The following A1CF variants were observed in gnomAD, a reference collection of about 807,000 sequenced individuals.
The protein encoded by A1CF is APOBEC-1 stimulating protein.
A1CF carries 48 observed loss-of-function variants against 68.9 expected under a neutral mutation model. The observed-to-expected ratio is 0.70, with a 90% CI of 0.55 to 0.89. The LOEUF (loss-of-function observed/expected upper bound fraction) is 0.89. Ranked by LOEUF, A1CF falls within the 40% of genes least tolerant of loss-of-function variation. The probability of loss-of-function intolerance (pLI) is 0.00; values close to 1 mark genes in which losing one functional copy is unlikely to be tolerated. For synonymous variants in A1CF, 272 were observed against 260.4 expected (o/e 1.04, Z -0.43); for missense variants, 653 against 718.9 (o/e 0.91, Z 1.05).
chr10:50,871,169 A>G (rs1006565779), intron 1 of A1CF, among the ~76,000 whole-genome samples: 6 of 151,874 alleles, frequency 4.0e-5, no homozygotes, highest in Non-Finnish European at 8.8e-5. Flanking sequence ...TTCTCATTAA[A>G]AACAAGTAAA....
intron 3 of A1CF, among the ~76,000 whole-genome samples, chr10:50,846,895 G>T (rs1254641180): frequency 6.6e-6 from 1 of 152,156 alleles, no homozygotes; most frequent in Non-Finnish European, 1.5e-5. Context: ...CAGTAGGGGA[G>T]ATTTGCTCTG....
chr10:50,841,063 T>G (rs1839752149), intron 5 of A1CF, among the ~76,000 whole-genome samples: 2 of 152,174 alleles, frequency 1.3e-5, no homozygotes, highest in Admixed American at 1.3e-4. Context: ...CTAACTGGTG[T>G]CCTCTTTCAA....
intron 7 of A1CF, among the ~76,000 whole-genome samples, chr10:50,825,305 A>G (rs940187454): frequency 1.2e-4 from 18 of 152,128 alleles, no homozygotes; most frequent in Admixed American, 1.2e-3. Context: ...TATTACTACT[A>G]TGATAACCCT....
At chr10:50,811,348 T>G (rs1838102420) in intron 10 of A1CF, among the ~76,000 whole-genome samples, 172 bp from the exon 11 acceptor site, 1 of 152,242 alleles carries the variant, frequency 6.6e-6, no homozygotes, top group African/African-American at 2.4e-5. Context: ...TTGAACTCCA[T>G]TTAAAATGTT....
At chr10:50,824,496 A>G (rs959613330) in intron 7 of A1CF, 5 of 152,226 alleles carry the variant, frequency 3.3e-5, no homozygotes, top group African/African-American at 1.2e-4. Context: ...CTACAACTGC[A>G]TCAACATTCA....
chr10:50,850,776 C>T (rs761743211), intron 3 of A1CF: 27 of 1,613,936 alleles, frequency 1.7e-5, no homozygotes, highest in African/African-American at 2.7e-5. Flanking sequence ...TGCCCAGACA[C>T]ACTGCTTCCA....
At chr10:50,847,843 A>T (rs1322882846) in intron 3 of A1CF, among the ~76,000 whole-genome samples, 1 of 152,200 alleles carries the variant, frequency 6.6e-6, no homozygotes. Flanking sequence ...GTGATGGCAG[A>T]TAACATTTCC....
In A1CF at chr10:50,804,069, C is replaced by T. The variant is rs1039042680; in HGVS notation, c.*2660G>A. The T allele has an allele frequency of 1.3e-5, 2 of 152,112 alleles. No homozygotes were observed. Among genetic ancestry groups the T allele is most frequent in the Non-Finnish European group, 2.9e-5 (2 of 68,002 alleles). 9.4% of individuals were successfully genotyped at this position (152,112 alleles called of 1,614,324 possible). On this transcript the variant is annotated 3_prime_UTR_variant, in exon 13 of 13. Transcript: ENST00000373997. ...GGCATGGTAGACACATTAACACTTT[C>T]TATGAAGGTATTTTAATGGAATTCA...
At position 50,844,023 on chromosome 10, in the gene A1CF, G is replaced by T. The variant is rs1291650155; in HGVS notation, c.199C>A (p.Leu67Ile). ...EIFIGKLPRD[L>I]FEDELIPLCE... ...AATGGTATAAGCTCATCCTCAAAAA[G>T]GTCTCGGGGAAGTTTTCCAATAAAA... The change falls in exon 4 of 13, where the codon CTT (leucine) becomes ATT (isoleucine). Residue 67 changes from leucine (L) to isoleucine (I), a missense_variant. Physicochemically the swap from Leu to Ile is conservative, Grantham distance 5. Coordinates refer to ENST00000373997, the MANE Select transcript of A1CF (RefSeq NM_014576.4). 3 of 1,613,686 alleles carry T rather than the reference G, an allele frequency of 1.9e-6. No individual in the cohort carries two copies. Among genetic ancestry groups the T allele is most frequent in the Non-Finnish European group, 2.5e-6 (3 of 1,179,842 alleles).
At chr10:50,841,021 C>A (rs1282926966) in intron 5 of A1CF, among the ~76,000 whole-genome samples, 1 of 152,200 alleles carries the variant, frequency 6.6e-6, no homozygotes, top group Non-Finnish European at 1.5e-5. Context: ...ACCACCATCT[C>A]TTGTCCAAAT....
intron 5 of A1CF, among the ~76,000 whole-genome samples, chr10:50,837,272 G>A (rs1341405184): frequency 2.0e-5 from 3 of 152,152 alleles, no homozygotes; most frequent in Non-Finnish European, 4.4e-5. Flanking sequence ...AAACCTAGCT[G>A]TGGGATCTCA....
intron 4 of A1CF, among the ~76,000 whole-genome samples, 180 bp downstream of exon 4, chr10:50,843,808 A>G (rs1354947503): frequency 6.6e-6 from 1 of 152,192 alleles, no homozygotes; most frequent in Non-Finnish European, 1.5e-5. Context: ...ACAGGACAAG[A>G]GCTAGGTCAA....
At chr10:50,829,303 G>A (rs868652944) in intron 6 of A1CF, among the ~76,000 whole-genome samples, 1 of 152,188 alleles carries the variant, frequency 6.6e-6, no homozygotes. Flanking sequence ...GATGAGAGGA[G>A]AGTGAGAGTC....
Position 50,802,944 on chromosome 10 carries a change from A to AT in A1CF, c.*3784dup, listed in dbSNP as rs547828940. 1.1e-4 allele frequency: 17 copies of AT among 152,282 alleles called. No individual in the cohort carries two copies. In the East Asian group the frequency reaches 3.1e-3, roughly 28 times the overall value. 9.4% of individuals were successfully genotyped at this position (152,282 alleles called of 1,614,324 possible). On this transcript the variant is annotated 3_prime_UTR_variant, in exon 13 of 13. Transcript: ENST00000373997. ...TGCTAATCTATGCAATCAGAATAAC[A>AT]TTTTTTCTAAAAAATACTTTTAAGT...
chr10:50,884,484 A>G (rs182606207), intron 1 of A1CF, among the ~76,000 whole-genome samples: 8 of 152,324 alleles, frequency 5.3e-5, no homozygotes, highest in African/African-American at 1.2e-4. Context: ...AAGTGATATC[A>G]CTGTCATTTC....
At chr10:50,870,985 G>A (rs1172794972) in intron 1 of A1CF, among the ~76,000 whole-genome samples, 1 of 151,598 alleles carries the variant, frequency 6.6e-6, no homozygotes, top group Non-Finnish European at 1.5e-5. Flanking sequence ...GAAAACACGT[G>A]ATCATCACAG....
chr10:50,851,215 T>C (rs1840226379), intron 3 of A1CF, among the ~76,000 whole-genome samples: 1 of 152,192 alleles, frequency 6.6e-6, no homozygotes, highest in Non-Finnish European at 1.5e-5. Flanking sequence ...CTTTAATTAT[T>C]TCATCTATGA....
At chr10:50,874,453 T>C (rs891464503) in intron 1 of A1CF, among the ~76,000 whole-genome samples, 3 of 152,228 alleles carry the variant, frequency 2.0e-5, no homozygotes, top group African/African-American at 7.2e-5. Flanking sequence ...AGAAGCACTT[T>C]AAATCCCTAG....
chr10:50,829,635 T>C (rs1839144516), intron 6 of A1CF, among the ~76,000 whole-genome samples: 1 of 152,214 alleles, frequency 6.6e-6, no homozygotes, highest in African/African-American at 2.4e-5. Flanking sequence ...ACCATCTTGT[T>C]CTGTGTTGCA....
Sources: gnomAD v4.1 joint callset for allele counts (sites outside exome capture counted in the v4.1 genomes callset) on GRCh38, gnomAD v4.1.1 for gene constraint, MANE v1.5 for transcripts, NCBI Gene and HGNC (gene_info 2026-07-23, HGNC 2026-07-21) for gene names.